Variants in PUS10 observed in about 807,000 individuals in gnomAD.
PUS10 encodes the protein pseudouridine synthase 10, also known as tRNA pseudouridine synthase Pus10.
A neutral mutation model predicts 75.0 loss-of-function variants in PUS10; 59 were observed. The ratio of observed to expected loss-of-function variants is 0.79; its 90% CI spans 0.64 to 0.98. The LOEUF (loss-of-function observed/expected upper bound fraction) is 0.98. Among genes scored for constraint, PUS10 ranks in the 50% least tolerant of loss-of-function variants. The probability of loss-of-function intolerance (pLI) is 0.00; values close to 1 mark genes in which losing one functional copy is unlikely to be tolerated. For synonymous variants in PUS10, 219 were observed against 211.6 expected (o/e 1.03, Z -0.30); for missense variants, 650 against 614.4 (o/e 1.06, Z -0.61).
chr2:60,962,695 T>C (rs958739116), intron 9 of PUS10, 131 bp downstream of exon 9: 3 of 1,403,946 alleles, frequency 2.1e-6, no homozygotes, highest in Admixed American at 3.3e-5. Context: ...GTTGGAGAGA[T>C]AACAATGACT....
At position 60,953,005 on chromosome 2, in the gene PUS10, C is replaced by T. The variant is rs1675438029; in HGVS notation, c.1300G>A (p.Asp434Asn). ...AAGCACACTTAAACTACCTTTATGTCATTTAGGAATTCAATGTCTTTCTTC... is the reference window on the plus strand; with the variant it reads ...AAGCACACTTAAACTACCTTTATGTTATTTAGGAATTCAATGTCTTTCTTC... ...IQKKDIEFLN[D>N]IKDLKIDQKT... Residue 434 changes from aspartate (D) to asparagine (N), a missense_variant, in exon 15 of 18, where the codon GAC (aspartate) becomes AAC (asparagine). Coordinates refer to ENST00000316752, the MANE Select transcript of PUS10 (RefSeq NM_144709.4). 1.3e-6 allele frequency: 2 copies of T among 1,499,960 alleles called. No homozygotes were observed. Among genetic ancestry groups the T allele is most frequent in the African/African-American group, 1.4e-5 (1 of 72,502 alleles). 92.9% of individuals were successfully genotyped at this position (1,499,960 alleles called of 1,614,324 possible). A position where few individuals can be genotyped will look rare whatever the true frequency, so the allele number is the denominator to read the frequency against.
intron 6 of PUS10, chr2:60,965,909 T>TA (rs2104374422): frequency 6.5e-6 from 1 of 152,748 alleles, no homozygotes; most frequent in Non-Finnish European, 1.5e-5. Context: ...AGCTTCTTTT[T>TA]AAAGTGCTCA....
chr2:61,012,867 A>AATATATAT (rs1559006783), intron 1 of PUS10, among the ~76,000 whole-genome samples: 1,062 of 27,698 alleles, frequency 0.038, 27 homozygotes, highest in Middle Eastern at 0.1. Flanking sequence ...AAAAAAAAAA[A>AATATATAT]ATATATATAT....
rs749593579 is a variant in PUS10 at position 60,948,077 on chromosome 2, G to T, written c.1417C>A (p.His473Asn). ...FMETQYVDEH[H>N]FRLHLKTQAG... ...TGAGTTTTCAAGTGGAGGCGGAAGT[G>T]GTGCTCATCCACGTACTGTGTCTCC... Residue 473 changes from histidine (H) to asparagine (N), a missense_variant, in exon 16 of 18, where the codon CAC (histidine) becomes AAC (asparagine). Transcript: ENST00000316752. 9.3e-6 allele frequency: 15 copies of T among 1,614,024 alleles called. No individual in the cohort carries two copies. The highest frequency in any genetic ancestry group is 1.3e-5 in the African/African-American group (1 of 74,912).
intron 4 of PUS10, among the ~76,000 whole-genome samples, chr2:60,996,437 C>T (rs1431959097): frequency 1.3e-5 from 2 of 152,098 alleles, no homozygotes; most frequent in African/African-American, 4.8e-5. Context: ...AGCAGCTCTG[C>T]CTGGATTCAT....
intron 13 of PUS10, 34 bp from the exon 14 acceptor site, chr2:60,954,022 G>T (rs1256328987): frequency 1.2e-6 from 2 of 1,607,734 alleles, no homozygotes; most frequent in Non-Finnish European, 1.7e-6. Flanking sequence ...CAATTAGCAA[G>T]TCTAGCTCAG....
intron 2 of PUS10, chr2:61,010,472 A>G (rs543189810): frequency 2.7e-4 from 58 of 215,156 alleles, no homozygotes; most frequent in African/African-American, 1.2e-3. Context: ...GATCACAGGC[A>G]CCTGCCATGG....
At chr2:60,944,424 G>A (rs1351994676) in intron 17 of PUS10, among the ~76,000 whole-genome samples, 5 of 152,330 alleles carry the variant, frequency 3.3e-5, no homozygotes, top group Non-Finnish European at 7.4e-5. Context: ...GGGGAGAGGA[G>A]CGGGGGAGGT....
intron 4 of PUS10, among the ~76,000 whole-genome samples, chr2:60,977,360 G>A (rs1337220210): frequency 6.6e-6 from 1 of 152,158 alleles, no homozygotes; most frequent in Non-Finnish European, 1.5e-5. Flanking sequence ...GAGGTTAGGG[G>A]TTCAGCGATT....
intron 4 of PUS10, among the ~76,000 whole-genome samples, chr2:60,975,583 AT>A (rs1420609819): frequency 6.6e-6 from 1 of 151,340 alleles, no homozygotes; most frequent in East Asian, 1.9e-4. Context: ...ACTTTTCTGG[AT>A]GCCTAAAGAA....
intron 4 of PUS10, among the ~76,000 whole-genome samples, chr2:60,998,001 C>T (rs1253191033): frequency 3.3e-5 from 5 of 152,156 alleles, no homozygotes; most frequent in Non-Finnish European, 5.9e-5. Flanking sequence ...AGAAAATACA[C>T]ATGCTAAATC....
At position 60,941,174 on chromosome 2, in the gene PUS10, T is replaced by A. The variant is rs552313220; in HGVS notation, c.*1221A>T. 6.6e-6 allele frequency: 1 copy of A among 152,312 alleles called. No individual in the cohort carries two copies. Among genetic ancestry groups the A allele is most frequent in the Admixed American group, 6.5e-5 (1 of 15,292 alleles). 9.4% of individuals were successfully genotyped at this position (152,312 alleles called of 1,614,324 possible). A position where few individuals can be genotyped will look rare whatever the true frequency, so the allele number is the denominator to read the frequency against. On this transcript the variant is annotated 3_prime_UTR_variant, in exon 18 of 18. Coordinates refer to ENST00000316752, the MANE Select transcript of PUS10 (RefSeq NM_144709.4). ...TCTGAAACTTAAATGACCCATTCAT[T>A]TTTTTTAGGTTTAGCTTAATGTTTT...
chr2:60,973,315 C>A (rs112094991), intron 4 of PUS10, among the ~76,000 whole-genome samples: 1,748 of 152,336 alleles, frequency 0.011, 35 homozygotes, highest in African/African-American at 0.039. Flanking sequence ...ACCCAACTTG[C>A]GGCTGTGGAC....
At chr2:60,961,099 G>A (rs1676001877) in intron 10 of PUS10, among the ~76,000 whole-genome samples, 1 of 152,154 alleles carries the variant, frequency 6.6e-6, no homozygotes, top group African/African-American at 2.4e-5. Flanking sequence ...GAGATAATAA[G>A]TTATTTTTTC....
In PUS10 at chr2:61,018,007, C is replaced by G; in HGVS notation, c.-16+1G>C. ...GGCCGAGGTGGAGCTGGGGCGCTTA[C>G]CAGTGGGGACTTTAGTGTCTCACAG... On this transcript the variant is annotated splice_donor_variant, in intron 1 of 17. Coordinates refer to ENST00000316752, the MANE Select transcript of PUS10 (RefSeq NM_144709.4). LOFTEE classifies it low-confidence loss of function (5UTR_SPLICE). The G allele has an allele frequency of 7.4e-7, 1 of 1,349,478 alleles. No individual in the cohort carries two copies. The highest frequency in any genetic ancestry group is 1.0e-6 in the Non-Finnish European group (1 of 1,000,878). 83.6% of individuals were successfully genotyped at this position (1,349,478 alleles called of 1,614,324 possible).
chr2:60,954,019 C>T, intron 13 of PUS10, 31 bp from the exon 14 acceptor site: 2 of 1,611,118 alleles, frequency 1.2e-6, no homozygotes, highest in South Asian at 2.2e-5. Context: ...AAACAATTAG[C>T]AAGTCTAGCT....
intron 5 of PUS10, among the ~76,000 whole-genome samples, chr2:60,970,930 A>G (rs1676621519): frequency 6.6e-6 from 1 of 152,106 alleles, no homozygotes; most frequent in African/African-American, 2.4e-5. Flanking sequence ...CTGTAATCCC[A>G]CCACTTTGGG....
intron 11 of PUS10, among the ~76,000 whole-genome samples, chr2:60,958,357 CT>C (rs1231296158): frequency 6.6e-6 from 1 of 152,108 alleles, no homozygotes; most frequent in Non-Finnish European, 1.5e-5. Context: ...CTGGTATACT[CT>C]TTTTTCCATT....
At chr2:60,947,619 G>A (rs1030830423) in intron 16 of PUS10, among the ~76,000 whole-genome samples, 1 of 152,104 alleles carries the variant, frequency 6.6e-6, no homozygotes, top group African/African-American at 2.4e-5. Context: ...CACGAGGTCA[G>A]GAGATAGAGA....
Sources: allele counts gnomAD v4.1 joint callset (sites outside exome capture counted in the v4.1 genomes callset), GRCh38; gene constraint gnomAD v4.1.1; transcripts MANE v1.5; gene names NCBI Gene and HGNC (gene_info 2026-07-23, HGNC 2026-07-21).